The following RALGAPA2 variants were observed in gnomAD, a reference collection of about 807,000 sequenced individuals.
RALGAPA2 encodes Ral GTPase activating protein catalytic subunit alpha 2, also known as ral GTPase-activating protein subunit alpha-2.
A neutral mutation model predicts 230.4 loss-of-function variants in RALGAPA2; 139 were observed. That is an observed-to-expected ratio of 0.60 (90% CI 0.53 to 0.69). The LOEUF (loss-of-function observed/expected upper bound fraction) is 0.69. RALGAPA2 is among the 30% of genes least tolerant of loss of function. The pLI is 0.00. For synonymous variants in RALGAPA2, 847 were observed against 837.8 expected, an observed-to-expected ratio of 1.01 and a Z score of -0.19; for missense variants, 2,163 against 2,276.0, an observed-to-expected ratio of 0.95 and a Z score of 1.01.
At chr20:20,535,656 A>G in intron 26 of RALGAPA2, 89 bp downstream of exon 26, 6 of 1,474,312 alleles carry the variant, frequency 4.1e-6, no homozygotes, top group South Asian at 1.4e-5. Flanking sequence ...ATGTGAAAGA[A>G]TAAGTGTTTT....
At chr20:20,678,280 A>G (rs899021700) in intron 2 of RALGAPA2, among the ~76,000 whole-genome samples, 21 of 152,214 alleles carry the variant, frequency 1.4e-4, no homozygotes, top group Admixed American at 2.6e-4. Flanking sequence ...TCGAACACAG[A>G]TTATACTAAA....
chr20:20,630,181 T>C (rs2066623917), intron 9 of RALGAPA2, among the ~76,000 whole-genome samples: 1 of 152,240 alleles, frequency 6.6e-6, no homozygotes, highest in Non-Finnish European at 1.5e-5. Context: ...ACTTTAGGCA[T>C]CCAAAGAAAT....
chr20:20,636,558 ATGTGTGTGTG>A (rs1290152116), intron 8 of RALGAPA2, among the ~76,000 whole-genome samples: 2 of 134,830 alleles, frequency 1.5e-5, no homozygotes, highest in South Asian at 2.4e-4. Context: ...GTGTGTGTGT[ATGTGTGTGTG>A]TGTGTGTGTG....
intron 37 of RALGAPA2, among the ~76,000 whole-genome samples, chr20:20,421,281 CT>C (rs1273473489): frequency 3.3e-5 from 5 of 152,228 alleles, no homozygotes; most frequent in African/African-American, 1.2e-4. Flanking sequence ...ACTAGGATGA[CT>C]ATAATCAAAA....
chr20:20,636,913 C>T (rs1244893249), intron 8 of RALGAPA2, among the ~76,000 whole-genome samples: 1 of 152,136 alleles, frequency 6.6e-6, no homozygotes, highest in Non-Finnish European at 1.5e-5. Context: ...TCCATAAGCA[C>T]CTGTCAGTAG....
chr20:20,537,436 A>C (rs979194634), intron 24 of RALGAPA2, among the ~76,000 whole-genome samples: 1 of 151,932 alleles, frequency 6.6e-6, no homozygotes, highest in Non-Finnish European at 1.5e-5. Context: ...CCTGGCCAAC[A>C]TGGTGAAACC....
At chr20:20,488,833 G>C (rs1343258875) in intron 36 of RALGAPA2, among the ~76,000 whole-genome samples, 1 of 152,250 alleles carries the variant, frequency 6.6e-6, no homozygotes, top group East Asian at 1.9e-4. Flanking sequence ...CAGGAGAGTG[G>C]GACCCCCAGC....
chr20:20,589,335 C>T lies in RALGAPA2; in HGVS notation c.2372G>A (p.Ser791Asn). The T allele has an allele frequency of 6.3e-7, 1 of 1,591,642 alleles. No homozygotes were observed. The highest frequency in any genetic ancestry group is 8.6e-7 in the Non-Finnish European group (1 of 1,167,434). The change falls in exon 18 of 40, where the codon AGT becomes AAT. Residue 791 changes from serine to asparagine, a missense_variant. By Grantham distance (46) the Ser-to-Asn change is conservative. Transcript: ENST00000202677. Reference protein sequence around the residue: ...GQKAENTQNSSSSEPQPIQEN... With the variant: ...GQKAENTQNSNSSEPQPIQEN... The stretch of plus-strand genomic sequence containing the variant: ...TTGAATAGGCTGAGGCTCTGAAGAA[C>T]TCGAATTCTGTGTGTTTTCTGCCTT...
chr20:20,653,387 T>C (rs569192184), intron 4 of RALGAPA2, 143 bp downstream of exon 4: 3 of 557,396 alleles, frequency 5.4e-6, no homozygotes, highest in South Asian at 4.3e-5. Context: ...GTTGAACTTG[T>C]CTTGGTTTTC....
chr20:20,575,271 C>T (rs1016501020), intron 20 of RALGAPA2, among the ~76,000 whole-genome samples: 1 of 152,088 alleles, frequency 6.6e-6, no homozygotes, highest in Non-Finnish European at 1.5e-5. Flanking sequence ...CAAGTTTAAA[C>T]TCATTTCTCC....
rs969820203 is a variant in RALGAPA2 at position 20,584,736 on chromosome 20, G to A, written c.2530+129C>T. 2.4e-5 allele frequency: 16 copies of A among 659,638 alleles called. No individual in the cohort carries two copies. The African/African-American group carries it at 2.8e-4, about 11-fold the overall frequency. 40.9% of individuals were successfully genotyped at this position (659,638 alleles called of 1,614,324 possible). A position where few individuals can be genotyped will look rare whatever the true frequency, so the allele number is the denominator to read the frequency against. On this transcript the variant is annotated intron_variant, in intron 19 of 39. Coordinates refer to ENST00000202677, the MANE Select transcript of RALGAPA2 (RefSeq NM_020343.4). ...GTTGAGGCTGCAGTGAGCCATGATT[G>A]TGCCAGAGCACTCCAGCCTGGGCGA...
At chr20:20,679,481 T>G (rs899062723) in intron 2 of RALGAPA2, among the ~76,000 whole-genome samples, 3 of 152,176 alleles carry the variant, frequency 2.0e-5, no homozygotes, top group Non-Finnish European at 4.4e-5. Flanking sequence ...AAGATACTTG[T>G]GATAGTAACA....
At position 20,644,284 on chromosome 20, in the gene RALGAPA2, CTCAG is replaced by C. The variant is rs139262488; in HGVS notation, c.329-739_329-736del. 5.3e-4 allele frequency among the ~76,000 whole-genome samples: 80 copies of C among 152,256 alleles called. No individual in the cohort carries two copies. The East Asian group carries it at 0.013, about 25-fold the overall frequency. ...AAATCTGAGGCAAGAGAACTTTCCT[CTCAG>C]TCAAATTTCAGATCCTTTAAGAAAA... is the stretch of plus-strand genomic sequence containing the variant. On this transcript the variant is annotated intron_variant, in intron 4 of 39. Coordinates refer to ENST00000202677, the MANE Select transcript of RALGAPA2 (RefSeq NM_020343.4).
At chr20:20,411,854 G>A (rs1010421966) in intron 38 of RALGAPA2, among the ~76,000 whole-genome samples, 173 bp downstream of exon 38, 1 of 152,154 alleles carries the variant, frequency 6.6e-6, no homozygotes, top group African/African-American at 2.4e-5. Context: ...TGAACAGCTC[G>A]AATACAAAAC....
intron 1 of RALGAPA2, among the ~76,000 whole-genome samples, chr20:20,681,100 G>A (rs1197458073): frequency 6.6e-6 from 1 of 152,196 alleles, no homozygotes; most frequent in African/African-American, 2.4e-5. Context: ...GCAGGGGCAG[G>A]TCTGGGGAGG....
chr20:20,402,808 G>C (rs2059874358), intron 38 of RALGAPA2, among the ~76,000 whole-genome samples: 1 of 152,146 alleles, frequency 6.6e-6, no homozygotes, highest in Admixed American at 6.5e-5. Flanking sequence ...TCATATCACA[G>C]CACTCTGCTG....
At chr20:20,597,763 C>T (rs183939360) in intron 16 of RALGAPA2, among the ~76,000 whole-genome samples, 18 of 152,012 alleles carry the variant, frequency 1.2e-4, no homozygotes, top group Admixed American at 3.3e-4. Context: ...TGCTTGAACC[C>T]GGGAAGCAGA....
At chr20:20,492,590 G>T (rs913607579) in intron 36 of RALGAPA2, among the ~76,000 whole-genome samples, 13 of 152,300 alleles carry the variant, frequency 8.5e-5, no homozygotes, top group Non-Finnish European at 1.9e-4. Context: ...ATTAATCTCT[G>T]CTGACTAGCT....
chr20:20,401,168 GCA>G (rs2059826744), intron 38 of RALGAPA2, among the ~76,000 whole-genome samples: 2 of 152,148 alleles, frequency 1.3e-5, no homozygotes, highest in East Asian at 3.9e-4. Flanking sequence ...TGGTTGAACT[GCA>G]CAGTATGTGA....
Sources: gnomAD v4.1 joint callset for allele counts (sites outside exome capture counted in the v4.1 genomes callset) on GRCh38, gnomAD v4.1.1 for gene constraint, MANE v1.5 for transcripts, NCBI Gene and HGNC (gene_info 2026-07-23, HGNC 2026-07-21) for gene names.